Variants in AHRR observed in about 807,000 individuals in gnomAD.
AHRR encodes the protein ahR repressor.
Under a neutral mutation model 44.0 loss-of-function variants are expected in AHRR, and 28 were observed. The ratio of observed to expected loss-of-function variants is 0.64; its 90% CI spans 0.47 to 0.87. The LOEUF (loss-of-function observed/expected upper bound fraction) is 0.87, where lower values mean the gene tolerates loss of function less well. AHRR is among the 40% of genes least tolerant of loss of function. AHRR has a pLI of 0.00. For missense variants in AHRR, 990 were observed against 953.9 expected (o/e 1.04, Z -0.50); for synonymous variants, 434 against 407.0 (o/e 1.07, Z -0.80).
chr5:381,457 A>G (rs1458462880), intron 4 of AHRR, among the ~76,000 whole-genome samples: 6 of 132,786 alleles, frequency 4.5e-5, no homozygotes, highest in Non-Finnish European at 9.6e-5. Context: ...TCCTGATTTT[A>G]GGGGGAGACC....
intron 4 of AHRR, among the ~76,000 whole-genome samples, chr5:393,570 G>C (rs1734568227): frequency 6.6e-6 from 1 of 152,228 alleles, no homozygotes; most frequent in Admixed American, 6.5e-5. Flanking sequence ...TGGTGGGTCT[G>C]CTCTTTCCTG....
At chr5:375,683 G>A (rs776317939) in intron 3 of AHRR, among the ~76,000 whole-genome samples, 1 of 152,206 alleles carries the variant, frequency 6.6e-6, no homozygotes, top group Non-Finnish European at 1.5e-5. Context: ...ATGCCCCCCC[G>A]GCCTTGCTGG....
Position 425,467 on chromosome 5 carries a change from G to A in AHRR, c.708+1490G>A, listed in dbSNP as rs569570810. On this transcript the variant is annotated intron_variant, in intron 7 of 10. Coordinates refer to ENST00000684583, the MANE Select transcript of AHRR (RefSeq NM_001377236.1). ...TGAGTAGCTGGGACTACAGGCGCCT[G>A]CCACCACGCCCGGCTAATTTTTTTG... Among the ~76,000 whole-genome samples the A allele has an allele frequency of 6.8e-3, 1,032 of 152,272 alleles. 11 individuals are homozygous for A. The highest frequency in any genetic ancestry group is 0.034 in the Middle Eastern group (10 of 292).
At chr5:413,166 T>A (rs940583114) in intron 4 of AHRR, among the ~76,000 whole-genome samples, 178 bp from the exon 5 acceptor site, 2 of 152,234 alleles carry the variant, frequency 1.3e-5, no homozygotes, top group Non-Finnish European at 2.9e-5. Context: ...TCATGTTGCC[T>A]GTTAACTTGG....
At chr5:389,169 G>A (rs563625027) in intron 4 of AHRR, among the ~76,000 whole-genome samples, 2 of 147,490 alleles carry the variant, frequency 1.4e-5, no homozygotes, top group East Asian at 2.1e-4. Flanking sequence ...GAGCCCGGGG[G>A]CCCAGTGGGG....
At chr5:420,719 G>A (rs1034497981) in intron 5 of AHRR, among the ~76,000 whole-genome samples, 56 of 151,768 alleles carry the variant, frequency 3.7e-4, no homozygotes, top group African/African-American at 5.6e-4. Context: ...CATGGAAGGC[G>A]GCCCAGAAGG....
intron 1 of AHRR, among the ~76,000 whole-genome samples, chr5:334,916 C>T (rs1020754397): frequency 1.3e-5 from 2 of 152,118 alleles, no homozygotes; most frequent in Admixed American, 6.5e-5. Flanking sequence ...GGATTTACTT[C>T]TGAGGCATGC....
chr5:419,984 T>C lies in AHRR; in HGVS notation c.442-2745T>C, dbSNP rs1735995794. 1.3e-5 allele frequency among the ~76,000 whole-genome samples: 2 copies of C among 152,206 alleles called. No individual in the cohort carries two copies. The highest frequency in any genetic ancestry group is 4.1e-4 in the South Asian group (2 of 4,832). ...GGATCCCCTTTTCTGGCCATCGGGATGTGGATGTGCATTTGTTAAACTTCT... is the reference window on the plus strand; with the variant it reads ...GGATCCCCTTTTCTGGCCATCGGGACGTGGATGTGCATTTGTTAAACTTCT... On this transcript the variant is annotated intron_variant, in intron 5 of 10. Coordinates refer to ENST00000684583, the MANE Select transcript of AHRR (RefSeq NM_001377236.1). The surrounding 1 kb of genome is among the most constrained non-coding windows in gnomAD (Gnocchi z 4.4).
chr5:375,290 C>T (rs11744131), intron 3 of AHRR, among the ~76,000 whole-genome samples: 13,836 of 152,274 alleles, frequency 0.091, 868 homozygotes, highest in Non-Finnish European at 0.12. Flanking sequence ...TAGACACGTG[C>T]GCTTTTCGAT....
Position 423,954 on chromosome 5 carries a change from C to T in AHRR, c.685C>T (p.Leu229=). Residue 229 remains leucine, a synonymous_variant, in exon 7 of 11, where the codon CTG becomes TTG. Transcript: ENST00000684583. ...RCFICRVRCL[L]DSTSGFLTMQ... is the part of the protein sequence containing the mutation. ...CTTCATCTGCCGTGTGCGCTGCCTG[C>T]TGGACAGCACCTCGGGCTTCCTGGT... 6.2e-7 allele frequency: 1 copy of T among 1,600,834 alleles called. No individual in the cohort carries two copies. Among genetic ancestry groups the T allele is most frequent in the Non-Finnish European group, 8.5e-7 (1 of 1,179,728 alleles).
At chr5:397,054 CCT>C (rs1296648070) in intron 4 of AHRR, among the ~76,000 whole-genome samples, 3 of 137,534 alleles carry the variant, frequency 2.2e-5, no homozygotes, top group Non-Finnish European at 4.6e-5. Context: ...CATGTTAGCC[CCT>C]GACCATCCAC....
chr5:427,997 C>T lies in AHRR; in HGVS notation c.899C>T (p.Ala300Val), dbSNP rs527453593. Residue 300 changes from alanine to valine, a missense_variant, in exon 8 of 11, where the codon GCG becomes GTG. Ala to Val is a moderately conservative substitution (Grantham distance 64). Coordinates refer to ENST00000684583, the MANE Select transcript of AHRR (RefSeq NM_001377236.1). Reference protein sequence around the residue: ...AKPRADTAATADAKVKATTSL... With the variant: ...AKPRADTAATVDAKVKATTSL... ...CCCAGAGCAGACACCGCAGCCACCG[C>T]GGATGCAAAGTGAGTAAGACTCGCC... The T allele has an allele frequency of 6.9e-5, 111 of 1,613,814 alleles. No homozygotes were observed. The South Asian group carries it at 9.9e-4, about 14-fold the overall frequency.
chr5:331,630 C>A (rs948295115), intron 1 of AHRR, among the ~76,000 whole-genome samples: 1 of 152,190 alleles, frequency 6.6e-6, no homozygotes, highest in Non-Finnish European at 1.5e-5. Context: ...AACCCCCAGG[C>A]CTCGGACCGG....
intron 4 of AHRR, among the ~76,000 whole-genome samples, chr5:408,043 A>C (rs1735337128): frequency 6.6e-6 from 1 of 152,226 alleles, no homozygotes; most frequent in African/African-American, 2.4e-5. Flanking sequence ...CACATGGAGA[A>C]TGTTTTAGGC....
At position 343,945 on chromosome 5, in the gene AHRR, A is replaced by C; in HGVS notation, c.43A>C (p.Arg15=). The C allele has an allele frequency of 6.3e-7, 1 of 1,599,926 alleles. No individual in the cohort carries two copies. The highest frequency in any genetic ancestry group is 8.5e-7 in the Non-Finnish European group (1 of 1,173,966). The change falls in exon 2 of 11, where the codon AGG becomes CGG. Residue 15 remains arginine (R), a synonymous_variant. Transcript: ENST00000684583. ...GECTYAGRKR[R]RPLQKQRPAV... ...GTGCACGTACGCGGGCCGGAAGCGG[A>C]GGAGGCCCCTGCAGAAACAGTAAAG...
intron 1 of AHRR, among the ~76,000 whole-genome samples, chr5:343,035 CA>C (rs1258825891): frequency 6.6e-6 from 1 of 152,146 alleles, no homozygotes; most frequent in African/African-American, 2.4e-5. Context: ...GCCCAAAGCA[CA>C]AGGCTATCAA....
At chr5:400,789 G>C (rs183727211) in intron 4 of AHRR, among the ~76,000 whole-genome samples, 1 of 152,330 alleles carries the variant, frequency 6.6e-6, no homozygotes, top group Admixed American at 6.5e-5. Flanking sequence ...GCTTTTGGTT[G>C]TGACTAATCT....
At chr5:354,215 C>A (rs548417180) in intron 3 of AHRR, among the ~76,000 whole-genome samples, 3 of 152,326 alleles carry the variant, frequency 2.0e-5, no homozygotes, top group African/African-American at 7.2e-5. Context: ...GCTGAAGCTG[C>A]GCAGCTGCTG....
chr5:385,070 G>T (rs892885639), intron 4 of AHRR, among the ~76,000 whole-genome samples: 2 of 152,186 alleles, frequency 1.3e-5, no homozygotes, highest in African/African-American at 4.8e-5. Context: ...CTTGTACCCG[G>T]GAGGTGGACA....
Sources: gnomAD v4.1 joint callset for allele counts (sites outside exome capture counted in the v4.1 genomes callset) on GRCh38, gnomAD v4.1.1 for gene constraint, Gnocchi (gnomAD v3.1) non-coding constraint, MANE v1.5 for transcripts, NCBI Gene and HGNC (gene_info 2026-07-23, HGNC 2026-07-21) for gene names.